The following DDB1 variants were observed in gnomAD, a reference collection of about 807,000 sequenced individuals.
The protein encoded by DDB1 is DNA damage-binding protein 1.
Under a neutral mutation model 133.1 loss-of-function variants are expected in DDB1, and 18 were observed. The ratio of observed to expected loss-of-function variants is 0.14; its 90% CI spans 0.09 to 0.20. The LOEUF (loss-of-function observed/expected upper bound fraction) is 0.20, where lower values mean the gene tolerates loss of function less well. Ranked by LOEUF, DDB1 falls within the 10% of genes least tolerant of loss-of-function variation. The pLI, the probability that DDB1 is intolerant of heterozygous loss-of-function variation, is 1.00. For missense variants in DDB1, 828 were observed against 1,459.2 expected (o/e 0.57, Z 7.05); for synonymous variants, 580 against 550.5 (o/e 1.05, Z -0.75).
intron 5 of DDB1, chr11:61,326,119 C>A (rs1856265594): frequency 7.3e-6 from 2 of 275,084 alleles, no homozygotes; most frequent in Non-Finnish European, 1.4e-5. Flanking sequence ...AGCCAATTTT[C>A]TCTTAAGAGT....
chr11:61,321,582 C>T lies in DDB1; in HGVS notation c.1225+13G>A. The T allele has an allele frequency of 6.2e-7, 1 of 1,613,694 alleles. No individual in the cohort carries two copies. Among genetic ancestry groups the T allele is most frequent in the Non-Finnish European group, 8.5e-7 (1 of 1,179,684 alleles). On this transcript the variant is annotated intron_variant, in intron 10 of 26. Coordinates refer to ENST00000301764, the MANE Select transcript of DDB1 (RefSeq NM_001923.5). ...ATGTAAGATCTACATCCTATGCCCA[C>T]CAAAAAAGCTACCTTTGATGCCTGG... is the stretch of plus-strand genomic sequence containing the variant.
chr11:61,328,386 C>T (rs11230669), intron 4 of DDB1, among the ~76,000 whole-genome samples: 6 of 152,200 alleles, frequency 3.9e-5, no homozygotes, highest in Non-Finnish European at 5.9e-5. Context: ...CCTTCCATCA[C>T]TTATTCAGCC....
At chr11:61,332,820 C>G in intron 1 of DDB1, 88 bp downstream of exon 1, 1 of 1,240,726 alleles carries the variant, frequency 8.1e-7, no homozygotes, top group Non-Finnish European at 1.1e-6. Flanking sequence ...CACTCCTGCC[C>G]GGCCGCCCCC....
intron 9 of DDB1, chr11:61,321,992 C>G: frequency 1.9e-5 from 10 of 536,282 alleles, no homozygotes; most frequent in Non-Finnish European, 3.3e-5. Context: ...ACACCTGCCA[C>G]TTATTAAGTT....
At chr11:61,330,945 C>T (rs568904803) in intron 2 of DDB1, among the ~76,000 whole-genome samples, 1 of 152,316 alleles carries the variant, frequency 6.6e-6, no homozygotes, top group South Asian at 2.1e-4. Flanking sequence ...CGTGAGCCAC[C>T]ATGCCCGGCC....
At chr11:61,316,948 TA>T (rs1189501853) in intron 10 of DDB1, among the ~76,000 whole-genome samples, 3 of 4,000 alleles carry the variant, frequency 7.5e-4, no homozygotes, top group Non-Finnish European at 1.3e-3. Flanking sequence ...AAAGGATAGA[TA>T]TATATATATA....
At chr11:61,320,294 A>G (rs1003663630) in intron 10 of DDB1, among the ~76,000 whole-genome samples, 7 of 150,882 alleles carry the variant, frequency 4.6e-5, no homozygotes. Flanking sequence ...TCCGCCTCCC[A>G]GGTTCAAGTG....
At chr11:61,308,885 G>A (rs1855916163) in intron 21 of DDB1, 98 bp downstream of exon 21, 11 of 1,186,294 alleles carry the variant, frequency 9.3e-6, no homozygotes, top group Admixed American at 1.7e-5. Flanking sequence ...TTCTCCTTCA[G>A]ATCTGACACA....
rs1565240578 is a variant in DDB1, at chr11:61,310,362, A to G, written c.2334T>C (p.His778=). 6.2e-7 allele frequency: 1 copy of G among 1,613,242 alleles called. No homozygotes were observed. Among genetic ancestry groups the G allele is most frequent in the Admixed American group, 1.7e-5 (1 of 59,996 alleles). ...SKLFSSSTAP[H]ETSFGEEVEV... ...CCACCTCTTCTCCAAAGGAGGTCTC[A>G]TGAGGAGCAGTGCTGCTGGAGAACA... Residue 778 remains histidine (H), a synonymous_variant, in exon 19 of 27, where the codon CAT becomes CAC. Coordinates refer to ENST00000301764, the MANE Select transcript of DDB1 (RefSeq NM_001923.5).
intron 1 of DDB1, chr11:61,332,597 A>C: frequency 6.6e-6 from 2 of 304,620 alleles, no homozygotes; most frequent in Non-Finnish European, 6.0e-6. Context: ...CAGAAAGCCA[A>C]TCTCCGGGCC....
In DDB1 at chr11:61,331,551, T is replaced by C. The variant is rs771712192; in HGVS notation, c.202A>G (p.Arg68Gly). ...YGKIAVMELF[R>G]PKGESKDLLF... ...CCAACTGCAACACTTACCTTGGGCC[T>C]GAAAAGCTCCATGACCGCAATCTTC... The change falls in exon 2 of 27, where the codon AGG (arginine) becomes GGG (glycine). Residue 68 changes from arginine (R) to glycine (G), a missense_variant. Transcript: ENST00000301764. 2 of 1,614,076 alleles carry C rather than the reference T, an allele frequency of 1.2e-6. No homozygotes were observed. The highest frequency in any genetic ancestry group is 2.2e-5 in the South Asian group (2 of 91,080).
chr11:61,310,024 C>G (rs56128340), intron 19 of DDB1, 64 bp from the exon 20 acceptor site: 2 of 1,604,956 alleles, frequency 1.2e-6, no homozygotes, highest in Non-Finnish European at 8.5e-7. Flanking sequence ...CACATAACCC[C>G]GTATTTCTGA....
At position 61,325,626 on chromosome 11, in the gene DDB1, G is replaced by A. The variant is rs200691274; in HGVS notation, c.747C>T (p.Ala249=). 84 of 1,613,678 alleles carry A rather than the reference G, an allele frequency of 5.2e-5. No homozygotes were observed. Among genetic ancestry groups the A allele is most frequent in the Non-Finnish European group, 6.9e-5 (82 of 1,179,914 alleles). ...YHNGDKYLAI[A]PPIIKQSTIV... is the part of the protein sequence containing the mutation. ...CTGCGCTCACCTTGATGATAGGAGG[G>A]GCAATAGCCAGGTATTTGTCACCAT... Residue 249 remains alanine, a synonymous_variant, in exon 6 of 27, where the codon GCC becomes GCT. Transcript: ENST00000301764.
rs769620515 is a variant in DDB1, at chr11:61,300,098, C to T, written c.*38G>A. ...GAGGGGGAGGGCAGCAGGGCAAAGC[C>T]TTTGGGGAGGGTCAGCAAAGGGGCC... is the stretch of plus-strand genomic sequence containing the variant. On this transcript the variant is annotated 3_prime_UTR_variant, in exon 27 of 27. Transcript: ENST00000301764. The T allele has an allele frequency of 1.2e-6, 2 of 1,608,480 alleles. No individual in the cohort carries two copies. The highest frequency in any genetic ancestry group is 1.7e-6 in the Non-Finnish European group (2 of 1,175,678).
intron 8 of DDB1, chr11:61,322,787 C>A: frequency 1.8e-6 from 1 of 560,758 alleles, no homozygotes; most frequent in Admixed American, 3.1e-5. Flanking sequence ...TCTTGTTCAT[C>A]AATGTATCCA....
chr11:61,332,892 GC>G lies in DDB1; in HGVS notation c.61+15del. The G allele has an allele frequency of 1.4e-6, 2 of 1,472,896 alleles. No homozygotes were observed. The highest frequency in any genetic ancestry group is 1.5e-5 in the African/African-American group (1 of 68,434). 91.2% of individuals were successfully genotyped at this position (1,472,896 alleles called of 1,614,324 possible). A position where few individuals can be genotyped will look rare whatever the true frequency, so the allele number is the denominator to read the frequency against. On this transcript the variant is annotated intron_variant, in intron 1 of 26. Transcript: ENST00000301764. Reference sequence around the variant, plus strand: ...ACTCCCTCACTCGCCGGGGTCTCCGGCCCCGGCAGCCTCACCGGTCACGCAG... The same window carrying G: ...ACTCCCTCACTCGCCGGGGTCTCCGGCCCGGCAGCCTCACCGGTCACGCAG...
intron 2 of DDB1, among the ~76,000 whole-genome samples, chr11:61,330,847 G>T (rs761479875): frequency 3.3e-5 from 5 of 152,068 alleles, no homozygotes; most frequent in Admixed American, 6.5e-5. Context: ...GTAGAGATGG[G>T]GTTTCACCAT....
At chr11:61,322,065 G>A (rs1465756289) in intron 9 of DDB1, 3 of 558,010 alleles carry the variant, frequency 5.4e-6, no homozygotes. Flanking sequence ...TTCTGAGATG[G>A]CCAAATATCC....
intron 4 of DDB1, chr11:61,327,665 C>T (rs546513181): frequency 2.0e-5 from 3 of 152,348 alleles, no homozygotes; most frequent in African/African-American, 7.2e-5. Flanking sequence ...CTGCCATTGT[C>T]AACATCATCT....
Sources: allele counts gnomAD v4.1 joint callset (sites outside exome capture counted in the v4.1 genomes callset), GRCh38; gene constraint gnomAD v4.1.1; transcripts MANE v1.5; gene names NCBI Gene and HGNC (gene_info 2026-07-23, HGNC 2026-07-21).